Variants in DNAH9 observed in about 807,000 individuals in gnomAD.
The protein encoded by DNAH9 is DNAH9 variant protein.
DNAH9 carries 345 observed loss-of-function variants against 471.6 expected under a neutral mutation model. That is an observed-to-expected ratio of 0.73 (90% CI 0.67 to 0.80). The LOEUF (loss-of-function observed/expected upper bound fraction) is 0.80. Among genes scored for constraint, DNAH9 ranks in the 30% least tolerant of loss-of-function variants. DNAH9 has a pLI of 0.00. For missense variants in DNAH9, 5,407 were observed against 5,609.2 expected (o/e 0.96, Z 1.15); for synonymous variants, 2,093 against 2,123.6 (o/e 0.99, Z 0.40).
intron 20 of DNAH9, among the ~76,000 whole-genome samples, chr17:11,692,299 A>C (rs1260384025): frequency 6.6e-6 from 1 of 152,218 alleles, no homozygotes; most frequent in Non-Finnish European, 1.5e-5. Flanking sequence ...TCATTAAAAC[A>C]ATTCACATGG....
chr17:11,828,621 C>G (rs889446708), intron 48 of DNAH9, among the ~76,000 whole-genome samples: 2 of 152,156 alleles, frequency 1.3e-5, no homozygotes, highest in Non-Finnish European at 2.9e-5. Flanking sequence ...TTTCTGCATC[C>G]TTTTCTTCCT....
chr17:11,647,066 T>G lies in DNAH9; in HGVS notation c.1971-6T>G. Reference sequence around the variant, plus strand: ...ATGAGGTGGCTGTTGTCTCTGACCCTTGCAGGTATGAGACAAGACTTTATG... The same window carrying G: ...ATGAGGTGGCTGTTGTCTCTGACCCGTGCAGGTATGAGACAAGACTTTATG... On this transcript the variant is annotated splice_region_variant and splice_polypyrimidine_tract_variant and intron_variant, in intron 11 of 68. Coordinates refer to ENST00000262442, the MANE Select transcript of DNAH9 (RefSeq NM_001372.4). 2 of 1,613,616 alleles carry G rather than the reference T, an allele frequency of 1.2e-6. No individual in the cohort carries two copies. The highest frequency in any genetic ancestry group is 1.7e-6 in the Non-Finnish European group (2 of 1,179,714).
intron 45 of DNAH9, among the ~76,000 whole-genome samples, chr17:11,811,989 CAAAAAAAAAAAAAAAAAAA>C (rs869105187): frequency 0.028 from 839 of 30,360 alleles, 69 homozygotes; most frequent in African/African-American, 0.059. Context: ...GACTCTGTCT[CAAAAAAAAAAAAAAAAAAA>C]AAAAAAAAAA....
chr17:11,734,090 AG>A (rs1255453761), intron 28 of DNAH9, among the ~76,000 whole-genome samples: 2 of 152,114 alleles, frequency 1.3e-5, no homozygotes, highest in East Asian at 3.9e-4. Context: ...GTGACAGCAG[AG>A]GGTGCCAGGC....
chr17:11,687,205 G>A (rs968698765), intron 19 of DNAH9, among the ~76,000 whole-genome samples: 4 of 152,074 alleles, frequency 2.6e-5, no homozygotes, highest in African/African-American at 7.2e-5. Flanking sequence ...TAATAGAGAA[G>A]GCATGCAAAT....
At chr17:11,735,900 G>A (rs1378431373) in intron 28 of DNAH9, among the ~76,000 whole-genome samples, 1 of 152,326 alleles carries the variant, frequency 6.6e-6, no homozygotes, top group East Asian at 1.9e-4. Context: ...AGCCTTTGGG[G>A]GAAGTAGCTA....
At chr17:11,682,588 A>C (rs2074154417) in intron 19 of DNAH9, among the ~76,000 whole-genome samples, 1 of 152,026 alleles carries the variant, frequency 6.6e-6, no homozygotes, top group South Asian at 2.1e-4. Flanking sequence ...TGTGTAAAAC[A>C]GACATAAGAT....
rs200196922 is a variant in DNAH9, at chr17:11,822,990, C to T, written c.9202C>T (p.Arg3068Trp). 191 of 1,613,984 alleles carry T rather than the reference C, an allele frequency of 1.2e-4. 1 individual carries two copies. The highest frequency in any genetic ancestry group is 1.4e-4 in the Non-Finnish European group (165 of 1,180,012). Residue 3068 changes from arginine (R) to tryptophan (W), a missense_variant, in exon 48 of 69, where the codon CGG becomes TGG. Transcript: ENST00000262442. ...AAAAGAGCTCAAGTGCAAGACAGAG[C>T]GGTTGGAGAACGGGCTGCTGAAGCT... is the stretch of plus-strand genomic sequence containing the variant. ...HRKELKCKTERLENGLLKLHS... is the reference protein window; with the variant it reads ...HRKELKCKTEWLENGLLKLHS...
chr17:11,798,623 T>C (rs367958419), intron 43 of DNAH9, among the ~76,000 whole-genome samples: 5 of 152,174 alleles, frequency 3.3e-5, no homozygotes, highest in East Asian at 3.9e-4. Flanking sequence ...CCCTGCTTCT[T>C]ACATTTCCCA....
At position 11,694,621 on chromosome 17, in the gene DNAH9, T is replaced by G. The variant is rs12946313; in HGVS notation, c.4872+174T>G. 0.7 allele frequency among the ~76,000 whole-genome samples: 19,751 copies of G among 28,150 alleles called. 7,084 individuals carry two copies. Among genetic ancestry groups the G allele is most frequent in the East Asian group, 0.82 (868 of 1,060 alleles). The allele number at this position is 28,150 out of a possible 152,430, so 18.5% of individuals were successfully genotyped here. ...TCGGAGCTTTCTTGCTTTCTTGCTT[T>G]CTTGCTTTCTTGCTTTCTTGCTTTC... On this transcript the variant is annotated intron_variant, in intron 22 of 68. Transcript: ENST00000262442.
At chr17:11,960,872 C>G (rs1242531317) in intron 67 of DNAH9, among the ~76,000 whole-genome samples, 1 of 152,190 alleles carries the variant, frequency 6.6e-6, no homozygotes, top group Non-Finnish European at 1.5e-5. Context: ...GTGAGAACAT[C>G]TTACATTTTA....
At chr17:11,830,111 G>A (rs1219604151) in intron 48 of DNAH9, among the ~76,000 whole-genome samples, 1 of 152,178 alleles carries the variant, frequency 6.6e-6, no homozygotes, top group African/African-American at 2.4e-5. Flanking sequence ...TGGCTCTGGT[G>A]GCCAGTGCTG....
chr17:11,822,056 G>A lies in DNAH9; in HGVS notation c.8844G>A (p.Gln2948=), dbSNP rs779061925. ...TCTTTATAGATCGGATCCGGCGACAGCTGAAGGTAAAGAGCATTTACTGAC... is the reference window on the plus strand; with the variant it reads ...TCTTTATAGATCGGATCCGGCGACAACTGAAGGTAAAGAGCATTTACTGAC... ...WKFFIDRIRR[Q]LKVTLCFSPV... The change falls in exon 46 of 69, where the codon CAG becomes CAA. Residue 2948 remains glutamine, a synonymous_variant. Coordinates refer to ENST00000262442, the MANE Select transcript of DNAH9 (RefSeq NM_001372.4). 1.9e-6 allele frequency: 3 copies of A among 1,611,728 alleles called. No individual in the cohort carries two copies. Among genetic ancestry groups the A allele is most frequent in the Non-Finnish European group, 2.5e-6 (3 of 1,179,186 alleles).
At chr17:11,823,068 G>A in intron 48 of DNAH9, 34 bp downstream of exon 48, 2 of 1,561,646 alleles carry the variant, frequency 1.3e-6, no homozygotes, top group Non-Finnish European at 1.7e-6. Context: ...ACCTGCAGGG[G>A]ACTTGGAGGG....
Position 11,669,392 on chromosome 17 carries a change from A to C in DNAH9, c.2951A>C (p.Asp984Ala). The C allele has an allele frequency of 6.2e-7, 1 of 1,613,212 alleles. No individual in the cohort carries two copies. Residue 984 changes from aspartate (D) to alanine (A), a missense_variant, in exon 17 of 69, where the codon GAT becomes GCT. By Grantham distance (126) the Asp-to-Ala change is moderately radical. This residue lies in a region of DNAH9 where 4,636 missense variants were observed against 4,900.3 expected (regional missense o/e 0.95). Coordinates refer to ENST00000262442, the MANE Select transcript of DNAH9 (RefSeq NM_001372.4). ...HYQVDLDGIP[D>A]LANMRRTLME... ...CAGGTCGACCTGGACGGTATACCAG[A>C]TTTGGCAAACATGCGGCGCACACTC...
intron 38 of DNAH9, among the ~76,000 whole-genome samples, chr17:11,772,663 G>A (rs1289287131): frequency 2.0e-5 from 3 of 152,160 alleles, no homozygotes; most frequent in Non-Finnish European, 4.4e-5. Context: ...CTGTAGCTGA[G>A]CATTCACCAA....
chr17:11,742,460 A>G (rs992834190), intron 30 of DNAH9, 147 bp downstream of exon 30: 14 of 713,172 alleles, frequency 2.0e-5, no homozygotes, highest in Non-Finnish European at 3.1e-5. Flanking sequence ...ACCTCTGAAC[A>G]CTTCCATATT....
chr17:11,647,581 A>C (rs1452205566), intron 12 of DNAH9, among the ~76,000 whole-genome samples: 1 of 152,202 alleles, frequency 6.6e-6, no homozygotes, highest in African/African-American at 2.4e-5. Context: ...ACAAAAGATC[A>C]CCAATCATTT....
At position 11,742,327 on chromosome 17, in the gene DNAH9, G is replaced by A. The variant is rs1274909112; in HGVS notation, c.6111+14G>A. On this transcript the variant is annotated intron_variant, in intron 30 of 68. Coordinates refer to ENST00000262442, the MANE Select transcript of DNAH9 (RefSeq NM_001372.4). ...CTCTCCAAACAGGTAGGATCTCTAG[G>A]GAGGCTGTACAACCAAGCACCGTGC... 6.2e-7 allele frequency: 1 copy of A among 1,613,696 alleles called. No homozygotes were observed. The highest frequency in any genetic ancestry group is 1.3e-5 in the African/African-American group (1 of 74,884).
Sources: allele counts gnomAD v4.1 joint callset (sites outside exome capture counted in the v4.1 genomes callset), GRCh38; gene constraint gnomAD v4.1.1; regional missense constraint gnomAD v4.1.1; transcripts MANE v1.5; gene names NCBI Gene and HGNC (gene_info 2026-07-23, HGNC 2026-07-21).